PPP2R1A: variants seen among roughly 807,000 people sequenced by gnomAD.
The protein encoded by PPP2R1A is protein phosphatase 2 scaffold subunit Aalpha, also known as serine/threonine-protein phosphatase 2A 65 kDa regulatory subunit A alpha isoform.
A neutral mutation model predicts 67.1 loss-of-function variants in PPP2R1A; 15 were observed. The observed-to-expected ratio is 0.22, with a 90% CI of 0.15 to 0.34. The LOEUF is 0.34. PPP2R1A is among the 10% of genes least tolerant of loss of function. The probability of loss-of-function intolerance (pLI) is 1.00; values close to 1 mark genes in which losing one functional copy is unlikely to be tolerated. For missense variants in PPP2R1A, 369 were observed against 775.0 expected, an observed-to-expected ratio of 0.48 and a Z score of 6.22; for synonymous variants, 337 against 325.0, an observed-to-expected ratio of 1.04 and a Z score of -0.40.
chr19:52,194,088 C>CAAAAAAAAAAAAAAAAAAAAAAAAAAAA (rs915576804), intron 1 of PPP2R1A, among the ~76,000 whole-genome samples: 6 of 60,510 alleles, frequency 9.9e-5, no homozygotes, highest in Admixed American at 2.0e-4. Flanking sequence ...ACCCTGTCTC[C>CAAAAAAAAAAAAAAAAAAAAAAAAAAAA]AAAAAAAAAA....
chr19:52,200,876 G>A (rs964483274), intron 1 of PPP2R1A, among the ~76,000 whole-genome samples: 2 of 152,268 alleles, frequency 1.3e-5, no homozygotes, highest in African/African-American at 2.4e-5. Flanking sequence ...CTAACCCTCC[G>A]TTTAGGATGA....
At chr19:52,207,272 C>T (rs931786350) in intron 3 of PPP2R1A, among the ~76,000 whole-genome samples, 2 of 152,176 alleles carry the variant, frequency 1.3e-5, no homozygotes, top group Admixed American at 6.5e-5. Flanking sequence ...TAGCCCCTGC[C>T]TGGTATTTGT....
chr19:52,214,324 C>A (rs551349859), intron 6 of PPP2R1A, among the ~76,000 whole-genome samples: 2 of 152,216 alleles, frequency 1.3e-5, no homozygotes, highest in South Asian at 4.1e-4. Flanking sequence ...CGCCCTTTGC[C>A]TTTAATTATG....
chr19:52,204,895 G>A (rs1023403616), intron 2 of PPP2R1A, among the ~76,000 whole-genome samples: 12 of 152,208 alleles, frequency 7.9e-5, no homozygotes, highest in Non-Finnish European at 1.2e-4. Flanking sequence ...TGGTGATTTA[G>A]GGGATGACAA....
chr19:52,222,527 A>G (rs1378592600), intron 13 of PPP2R1A: 2 of 281,250 alleles, frequency 7.1e-6, no homozygotes, highest in African/African-American at 2.2e-5. Context: ...TGTATAATTT[A>G]TAATTGCACC....
chr19:52,212,534 C>G lies in PPP2R1A; in HGVS notation c.504-152C>G, dbSNP rs1176962444. 3 of 883,892 alleles carry G rather than the reference C, an allele frequency of 3.4e-6. No homozygotes were observed. In the East Asian group the frequency reaches 8.0e-5, roughly 24 times the overall value. The allele number at this position is 883,892 out of a possible 1,614,324, so 54.8% of individuals were successfully genotyped here. A position where few individuals can be genotyped will look rare whatever the true frequency, so the allele number is the denominator to read the frequency against. ...GTGGGGTAGGTACTGTTACTATCAG[C>G]TCCGTTTCATAGGGCTGGGAAGACA... On this transcript the variant is annotated intron_variant, in intron 4 of 14. Transcript: ENST00000322088. This position sits in a 1 kb window ranked among gnomAD's most constrained non-coding sequence, Gnocchi z 4.1.
intron 1 of PPP2R1A, among the ~76,000 whole-genome samples, chr19:52,199,913 A>G (rs529251432): frequency 1.3e-4 from 20 of 152,346 alleles, no homozygotes; most frequent in East Asian, 1.2e-3. Flanking sequence ...TAATGCCAGA[A>G]TGGTGAGTTT....
At chr19:52,193,054 G>T (rs1188380343) in intron 1 of PPP2R1A, among the ~76,000 whole-genome samples, 1 of 152,228 alleles carries the variant, frequency 6.6e-6, no homozygotes, top group Non-Finnish European at 1.5e-5. Flanking sequence ...CTTGCTCTAT[G>T]TTAGGTACAG....
chr19:52,210,017 G>A (rs1360454397), intron 3 of PPP2R1A, among the ~76,000 whole-genome samples: 1 of 152,146 alleles, frequency 6.6e-6, no homozygotes, highest in East Asian at 1.9e-4. Context: ...CATGCCTCCT[G>A]CCACCCCTGC....
At chr19:52,217,189 C>CA (rs553980707) in intron 9 of PPP2R1A, among the ~76,000 whole-genome samples, 181 of 149,882 alleles carry the variant, frequency 1.2e-3, no homozygotes, top group Non-Finnish European at 1.5e-3. Context: ...GACTCTGTCT[C>CA]AAAAAAAAAA....
intron 1 of PPP2R1A, among the ~76,000 whole-genome samples, chr19:52,199,853 T>G (rs1458634979): frequency 2.0e-5 from 3 of 152,240 alleles, no homozygotes; most frequent in Non-Finnish European, 2.9e-5. Context: ...TTTTATTTTT[T>G]AGCTGAAAAT....
chr19:52,211,350 C>T lies in PPP2R1A; in HGVS notation c.361C>T (p.Pro121Ser). The change falls in exon 4 of 15, where the codon CCC (proline) becomes TCC (serine). Residue 121 changes from proline (P) to serine (S), a missense_variant. Pro to Ser is a moderately conservative substitution (Grantham distance 74, BLOSUM62 -1). Coordinates refer to ENST00000322088, the MANE Select transcript of PPP2R1A (RefSeq NM_014225.6). This position sits in a 1 kb window ranked among gnomAD's most constrained non-coding sequence, Gnocchi z 5.3. Reference protein sequence around the residue: ...SLRAISHEHSPSDLEAHFVPL... With the variant: ...SLRAISHEHSSSDLEAHFVPL... ...ACGGGCCATCTCACACGAGCACTCG[C>T]CCTCTGACCTGGAGGCGCACTTTGT... The T allele has an allele frequency of 6.2e-7, 1 of 1,614,150 alleles. No individual in the cohort carries two copies. The highest frequency in any genetic ancestry group is 8.5e-7 in the Non-Finnish European group (1 of 1,179,982).
rs538931637 is a variant in PPP2R1A at position 52,217,298 on chromosome 19, A to G, written c.1128+635A>G. ...ACTGCAGCCTCCACCTTCCAGGCTC[A>G]AGTGATCCTCCCACCTTAGCCTCCC... is the stretch of plus-strand genomic sequence containing the variant. On this transcript the variant is annotated intron_variant, in intron 9 of 14. Transcript: ENST00000322088. Among the ~76,000 whole-genome samples the G allele has an allele frequency of 2.0e-4, 31 of 152,366 alleles. 1 individual carries two copies. The highest frequency in any genetic ancestry group is 4.0e-4 in the Non-Finnish European group (27 of 68,038).
chr19:52,203,627 A>G (rs1042098128), intron 2 of PPP2R1A, among the ~76,000 whole-genome samples: 6 of 152,124 alleles, frequency 3.9e-5, no homozygotes, highest in Non-Finnish European at 5.9e-5. Context: ...GACTTCTGTG[A>G]CCATATGTCT....
chr19:52,195,054 C>G (rs1417584573), intron 1 of PPP2R1A, among the ~76,000 whole-genome samples: 1 of 152,118 alleles, frequency 6.6e-6, no homozygotes, highest in African/African-American at 2.4e-5. Flanking sequence ...AGAGTAAGGC[C>G]TTAGCTTTTA....
Position 52,211,285 on chromosome 19 carries a change from T to C in PPP2R1A, c.296T>C (p.Val99Ala). The C allele has an allele frequency of 6.2e-7, 1 of 1,612,862 alleles. No individual in the cohort carries two copies. The highest frequency in any genetic ancestry group is 8.5e-7 in the Non-Finnish European group (1 of 1,179,886). Residue 99 changes from valine to alanine, a missense_variant, in exon 4 of 15, where the codon GTG (valine) becomes GCG (alanine). By Grantham distance (64) the Val-to-Ala change is moderately conservative (BLOSUM62 0). This residue lies in a region of PPP2R1A where 93 missense variants were observed against 266.5 expected (regional missense o/e 0.35). Transcript: ENST00000322088. This position sits in a 1 kb window ranked among gnomAD's most constrained non-coding sequence, Gnocchi z 5.3. ...CCACCGCTGGAGTCGCTGGCCACAG[T>C]GGAGGAGACAGTGGTGCGGGACAAG... ...LLPPLESLATVEETVVRDKAV... is the reference protein window; with the variant it reads ...LLPPLESLATAEETVVRDKAV...
chr19:52,203,903 A>G (rs998454979), intron 2 of PPP2R1A, among the ~76,000 whole-genome samples: 20 of 152,272 alleles, frequency 1.3e-4, no homozygotes, highest in African/African-American at 4.3e-4. Flanking sequence ...ATTATAAAGG[A>G]TTTTGCAAAG....
intron 1 of PPP2R1A, chr19:52,200,945 G>GGACAT (rs1237525236): frequency 6.6e-6 from 1 of 152,150 alleles, no homozygotes; most frequent in African/African-American, 2.4e-5. Flanking sequence ...CACGTCACTG[G>GGACAT]ATTCAAGGCT....
At chr19:52,190,635 C>T (rs190824726) in intron 1 of PPP2R1A, among the ~76,000 whole-genome samples, 178 of 152,284 alleles carry the variant, frequency 1.2e-3, no homozygotes, top group African/African-American at 4.1e-3. Context: ...CAAGTGGGGA[C>T]CGAGAGGCGA....
Sources: allele counts gnomAD v4.1 joint callset (sites outside exome capture counted in the v4.1 genomes callset), GRCh38; gene constraint gnomAD v4.1.1; regional missense constraint gnomAD v4.1.1; non-coding constraint Gnocchi (gnomAD v3.1); transcripts MANE v1.5; gene names NCBI Gene and HGNC (gene_info 2026-07-23, HGNC 2026-07-21).